CHAF1B: variants seen among roughly 807,000 people sequenced by gnomAD.
CHAF1B encodes the protein CAF-1 subunit B.
Under a neutral mutation model 60.7 loss-of-function variants are expected in CHAF1B, and 10 were observed. The ratio of observed to expected loss-of-function variants is 0.16; its 90% CI spans 0.10 to 0.28. CHAF1B has a LOEUF of 0.28. Ranked by LOEUF, CHAF1B falls within the 10% of genes least tolerant of loss-of-function variation. The pLI, the probability that CHAF1B is intolerant of heterozygous loss-of-function variation, is 1.00. For missense variants in CHAF1B, 558 were observed against 708.4 expected (o/e 0.79, Z 2.41); for synonymous variants, 261 against 266.1 (o/e 0.98, Z 0.19).
At chr21:36,409,857 T>A (rs2086263920) in intron 10 of CHAF1B, among the ~76,000 whole-genome samples, 1 of 149,460 alleles carries the variant, frequency 6.7e-6, no homozygotes, top group Admixed American at 6.7e-5. Flanking sequence ...ACATGTCAGT[T>A]TTTTTTTTTT....
chr21:36,416,200 T>TATTCTGTAA, intron 13 of CHAF1B, 75 bp from the exon 14 acceptor site: 1 of 1,278,386 alleles, frequency 7.8e-7, no homozygotes, highest in South Asian at 1.3e-5. Flanking sequence ...CTTGGCTCTG[T>TATTCTGTAA]ATTCTGTAAA....
intron 3 of CHAF1B, among the ~76,000 whole-genome samples, chr21:36,389,855 G>T (rs1419393966): frequency 4.6e-5 from 7 of 151,220 alleles, no homozygotes; most frequent in Non-Finnish European, 8.8e-5. Flanking sequence ...CGCCACCTGG[G>T]GGTGGCTACC....
chr21:36,388,914 C>T (rs2086059246), intron 3 of CHAF1B: 1 of 152,194 alleles, frequency 6.6e-6, no homozygotes, highest in South Asian at 2.1e-4. Flanking sequence ...GTTTGATCTC[C>T]CTGTAAGAAA....
chr21:36,401,569 A>G (rs185237031), intron 7 of CHAF1B, among the ~76,000 whole-genome samples: 4 of 107,398 alleles, frequency 3.7e-5, no homozygotes, highest in East Asian at 2.3e-4. Flanking sequence ...TATACATAAT[A>G]TATATTTTTA....
chr21:36,414,967 A>G (rs1252302875), intron 12 of CHAF1B, among the ~76,000 whole-genome samples: 2 of 152,216 alleles, frequency 1.3e-5, no homozygotes, highest in African/African-American at 4.8e-5. Context: ...TTCTATATAT[A>G]GAAACCATAT....
At position 36,402,781 on chromosome 21, in the gene CHAF1B, C is replaced by T. The variant is rs138882376; in HGVS notation, c.687C>T (p.His229=). ...EGEARSYRMF[H]DDSMKSFFRR... ...AGGCAAGAAGCTACCGGATGTTTCA[C>T]GACGACAGCATGAAGTCTTTCTTCC... The change falls in exon 8 of 14, where the codon CAC becomes CAT. Residue 229 remains histidine (H), a synonymous_variant. Transcript: ENST00000314103. The T allele has an allele frequency of 2.5e-5, 41 of 1,613,612 alleles. No individual in the cohort carries two copies. The African/African-American group carries it at 3.7e-4, about 15-fold the overall frequency.
intron 10 of CHAF1B, 99 bp from the exon 11 acceptor site, chr21:36,411,358 CCCGGCT>C: frequency 7.2e-7 from 1 of 1,380,180 alleles, no homozygotes; most frequent in Non-Finnish European, 1.0e-6. Context: ...AAGTGATCCA[CCCGGCT>C]CGGCCTCCCA....
chr21:36,385,634 C>G (rs2086024544), intron 1 of CHAF1B, among the ~76,000 whole-genome samples, 183 bp downstream of exon 1: 1 of 151,810 alleles, frequency 6.6e-6, no homozygotes, highest in African/African-American at 2.4e-5. Flanking sequence ...TCAGTCCCAG[C>G]TTCCCGGGCC....
At chr21:36,390,990 A>G (rs2086082290) in intron 3 of CHAF1B, among the ~76,000 whole-genome samples, 2 of 152,338 alleles carry the variant, frequency 1.3e-5, no homozygotes, top group South Asian at 2.1e-4. Flanking sequence ...AAACTGAGAC[A>G]TCAAGATGCT....
chr21:36,405,835 G>C (rs376593479), intron 8 of CHAF1B, among the ~76,000 whole-genome samples: 1 of 152,038 alleles, frequency 6.6e-6, no homozygotes, highest in Non-Finnish European at 1.5e-5. Context: ...GATATGTCGT[G>C]TTCTAACAAT....
At chr21:36,407,300 TAAAA>T in intron 8 of CHAF1B, among the ~76,000 whole-genome samples, 1 of 128,664 alleles carries the variant, frequency 7.8e-6, no homozygotes, top group East Asian at 2.4e-4. Context: ...AGACTCTGTC[TAAAA>T]AAAAAAAAAA....
chr21:36,387,464 A>T (rs1601554312), intron 2 of CHAF1B, 134 bp from the exon 3 acceptor site: 1 of 1,048,912 alleles, frequency 9.5e-7, no homozygotes, highest in Non-Finnish European at 1.4e-6. Flanking sequence ...CAAGTGATTT[A>T]CCCACCTTGG....
At chr21:36,398,183 A>G (rs2086158686) in intron 6 of CHAF1B, 1 of 150,854 alleles carries the variant, frequency 6.6e-6, no homozygotes, top group Non-Finnish European at 1.5e-5. Flanking sequence ...CCCCCAAGTA[A>G]TTGGGACTAC....
intron 10 of CHAF1B, among the ~76,000 whole-genome samples, chr21:36,410,551 C>T (rs1391938266): frequency 1.3e-5 from 2 of 152,086 alleles, no homozygotes; most frequent in Non-Finnish European, 2.9e-5. Context: ...CTTCTGCATG[C>T]TCTGCCCTTG....
rs151125026 is a variant in CHAF1B at position 36,417,186 on chromosome 21, C to G, written c.*820C>G. On this transcript the variant is annotated 3_prime_UTR_variant, in exon 14 of 14. Transcript: ENST00000314103. ...TCCTGGGCTCGAGCGATCCTTCCAC[C>G]TCAGCTTCCCGAGTAGCTGGGACTA... The G allele has an allele frequency of 0.02, 3,048 of 151,886 alleles. 108 individuals carry two copies. Among genetic ancestry groups the G allele is most frequent in the African/African-American group, 0.071 (2,923 of 41,286 alleles). The allele number at this position is 151,886 out of a possible 1,614,324, so 9.4% of individuals were successfully genotyped here. A position where few individuals can be genotyped will look rare whatever the true frequency, so the allele number is the denominator to read the frequency against.
At chr21:36,412,844 T>G (rs1205719736) in intron 11 of CHAF1B, 40 bp from the exon 12 acceptor site, 1 of 1,574,712 alleles carries the variant, frequency 6.4e-7, no homozygotes, top group Admixed American at 1.8e-5. Flanking sequence ...TGTGAGAGTG[T>G]TGGTAAGGTC....
chr21:36,411,248 G>T (rs1005659500), intron 10 of CHAF1B, among the ~76,000 whole-genome samples: 1 of 151,696 alleles, frequency 6.6e-6, no homozygotes, highest in Non-Finnish European at 1.5e-5. Flanking sequence ...TGAGTAGTTG[G>T]TACTACAGGC....
At chr21:36,394,025 A>T (rs1392863882) in intron 4 of CHAF1B, among the ~76,000 whole-genome samples, 1 of 150,836 alleles carries the variant, frequency 6.6e-6, no homozygotes, top group African/African-American at 2.4e-5. Flanking sequence ...TCAGCCCCCA[A>T]GTAGCAGGGA....
intron 4 of CHAF1B, 41 bp downstream of exon 4, chr21:36,391,709 T>G: frequency 8.0e-7 from 1 of 1,248,176 alleles, no homozygotes; most frequent in Non-Finnish European, 1.2e-6. Context: ...CTGTTTACGA[T>G]GAGTGCATTA....
Sources: allele counts gnomAD v4.1 joint callset (sites outside exome capture counted in the v4.1 genomes callset), GRCh38; gene constraint gnomAD v4.1.1; transcripts MANE v1.5; gene names NCBI Gene and HGNC (gene_info 2026-07-23, HGNC 2026-07-21).